Variants in GALNT10 observed in about 807,000 individuals in gnomAD.
The protein encoded by GALNT10 is GalNAc transferase 10.
Under a neutral mutation model 75.0 loss-of-function variants are expected in GALNT10, and 41 were observed. That is an observed-to-expected ratio of 0.55 (90% confidence interval 0.43 to 0.71). The LOEUF is 0.71. GALNT10 is among the 30% of genes least tolerant of loss of function. GALNT10 has a pLI of 0.00. For synonymous variants in GALNT10, 302 were observed against 313.0 expected (o/e 0.96, Z 0.37); for missense variants, 727 against 818.5 (o/e 0.89, Z 1.36).
At chr5:154,408,849 C>G (rs953898501) in intron 8 of GALNT10, among the ~76,000 whole-genome samples, 4 of 152,104 alleles carry the variant, frequency 2.6e-5, no homozygotes, top group Non-Finnish European at 4.4e-5. Context: ...AAAGAATATA[C>G]AGGCTTCTGT....
At chr5:154,261,516 A>AG (rs1446597108) in intron 1 of GALNT10, among the ~76,000 whole-genome samples, 5 of 152,232 alleles carry the variant, frequency 3.3e-5, no homozygotes, top group Non-Finnish European at 5.9e-5. Context: ...GCACCAAACA[A>AG]GGGAAAATGT....
intron 1 of GALNT10, among the ~76,000 whole-genome samples, chr5:154,224,602 T>G (rs1753032569): frequency 6.6e-6 from 1 of 152,222 alleles, no homozygotes; most frequent in Admixed American, 6.5e-5. Flanking sequence ...ATTCATTCAT[T>G]AAGCTAACCA....
chr5:154,213,577 A>C (rs1219585066), intron 1 of GALNT10, among the ~76,000 whole-genome samples: 1 of 152,170 alleles, frequency 6.6e-6, no homozygotes, highest in African/African-American at 2.4e-5. Context: ...TCAGTCATTC[A>C]GGATACAAGT....
At chr5:154,287,801 C>G (rs1284408743) in intron 1 of GALNT10, among the ~76,000 whole-genome samples, 1 of 152,056 alleles carries the variant, frequency 6.6e-6, no homozygotes, top group Non-Finnish European at 1.5e-5. Flanking sequence ...TCTAATTGTC[C>G]AAACTCCCTT....
At chr5:154,218,283 T>C (rs1457634460) in intron 1 of GALNT10, 1 of 246,878 alleles carries the variant, frequency 4.1e-6, no homozygotes, top group Admixed American at 6.5e-5. Context: ...TCTCATTGAA[T>C]TCTCCAGTTC....
chr5:154,294,803 G>T lies in GALNT10; in HGVS notation c.160-13G>T, dbSNP rs978831362. 7.0e-7 allele frequency: 1 copy of T among 1,421,774 alleles called. No individual in the cohort carries two copies. Among genetic ancestry groups the T allele is most frequent in the African/African-American group, 1.4e-5 (1 of 71,240 alleles). The allele number at this position is 1,421,774 out of a possible 1,614,324, so 88.1% of individuals were successfully genotyped here. A position where few individuals can be genotyped will look rare whatever the true frequency, so the allele number is the denominator to read the frequency against. ...CCCTTTTCTATTTTTCATAGTTTTT[G>T]TCTTTTTTTAAGGGCTCACACAGTC... On this transcript the variant is annotated splice_polypyrimidine_tract_variant and intron_variant, in intron 1 of 11. Transcript: ENST00000297107.
intron 1 of GALNT10, among the ~76,000 whole-genome samples, chr5:154,209,005 C>G (rs557988053): frequency 6.6e-6 from 1 of 152,308 alleles, no homozygotes; most frequent in Admixed American, 6.5e-5. Context: ...GGAAATCTGC[C>G]TGCTAGGGTG....
chr5:154,399,559 A>G (rs1756115391), intron 7 of GALNT10, among the ~76,000 whole-genome samples: 1 of 152,196 alleles, frequency 6.6e-6, no homozygotes, highest in Admixed American at 6.5e-5. Flanking sequence ...CTCATGGCTT[A>G]TATTGTTGCT....
At chr5:154,251,289 C>T (rs532174497) in intron 1 of GALNT10, among the ~76,000 whole-genome samples, 2 of 152,014 alleles carry the variant, frequency 1.3e-5, no homozygotes, top group Non-Finnish European at 2.9e-5. Context: ...CGAATGTGTA[C>T]CCATATTAGT....
At chr5:154,350,801 G>T (rs886361675) in intron 4 of GALNT10, among the ~76,000 whole-genome samples, 5 of 152,308 alleles carry the variant, frequency 3.3e-5, no homozygotes, top group African/African-American at 1.2e-4. Flanking sequence ...GAAAAAAGGA[G>T]ACCAAGTAAG....
At chr5:154,204,942 A>G (rs1123430) in intron 1 of GALNT10, among the ~76,000 whole-genome samples, 29,730 of 152,194 alleles carry the variant, frequency 0.2, 3,401 homozygotes, top group African/African-American at 0.32. Context: ...GTGCTGGCAC[A>G]TGGCAGGTGC....
At chr5:154,253,090 C>T (rs1357657664) in intron 1 of GALNT10, among the ~76,000 whole-genome samples, 10 of 146,028 alleles carry the variant, frequency 6.8e-5, no homozygotes, top group African/African-American at 2.3e-4. Flanking sequence ...TTTGTTGCCT[C>T]GTTTCTGAGT....
intron 1 of GALNT10, among the ~76,000 whole-genome samples, chr5:154,251,022 G>T (rs1159971095): frequency 6.6e-6 from 1 of 152,048 alleles, no homozygotes; most frequent in Non-Finnish European, 1.5e-5. Context: ...TCTCCCTCTT[G>T]TCCCTATCTT....
In GALNT10 at chr5:154,219,832, T is replaced by TCACACACACA. The variant is rs775014222; in HGVS notation, c.159+28808_159+28809insACACACACAC. On this transcript the variant is annotated intron_variant, in intron 1 of 11. Coordinates refer to ENST00000297107, the MANE Select transcript of GALNT10 (RefSeq NM_198321.4). ...CTCGCGCTCTCTCTCTCTCTCTCTC[T>TCACACACACA]CTCTCTCACACACACACACACACAC... is the stretch of plus-strand genomic sequence containing the variant. Among the ~76,000 whole-genome samples the TCACACACACA allele has an allele frequency of 5.9e-3, 475 of 80,166 alleles. 3 individuals carry two copies. The highest frequency in any genetic ancestry group is 0.018 in the Admixed American group (93 of 5,094). 52.6% of individuals were successfully genotyped at this position (80,166 alleles called of 152,430 possible).
chr5:154,294,776 T>C, intron 1 of GALNT10, 40 bp from the exon 2 acceptor site: 1 of 1,052,056 alleles, frequency 9.5e-7, no homozygotes, highest in Non-Finnish European at 1.5e-6. Context: ...GTTACTGATT[T>C]GCCCTTTTCT....
intron 1 of GALNT10, among the ~76,000 whole-genome samples, chr5:154,248,929 C>G (rs1035017351): frequency 2.0e-5 from 3 of 152,190 alleles, no homozygotes; most frequent in Non-Finnish European, 4.4e-5. Context: ...ATTTTAGGCT[C>G]CAGGCTCCAG....
chr5:154,269,584 A>C (rs1436758094), intron 1 of GALNT10, among the ~76,000 whole-genome samples: 2 of 152,228 alleles, frequency 1.3e-5, no homozygotes, highest in African/African-American at 4.8e-5. Context: ...TCAGAACCAG[A>C]GCCGGGCCCA....
intron 8 of GALNT10, among the ~76,000 whole-genome samples, chr5:154,404,657 C>T (rs752767040): frequency 2.0e-5 from 3 of 152,150 alleles, no homozygotes; most frequent in Non-Finnish European, 4.4e-5. Flanking sequence ...ACTTAGCATA[C>T]AGCTAAAGTA....
At chr5:154,200,760 T>C (rs991528979) in intron 1 of GALNT10, among the ~76,000 whole-genome samples, 7 of 152,214 alleles carry the variant, frequency 4.6e-5, no homozygotes, top group Non-Finnish European at 1.0e-4. Flanking sequence ...CTTTGACCTT[T>C]ATGTATTTTT....
Sources: gnomAD v4.1 joint callset for allele counts (sites outside exome capture counted in the v4.1 genomes callset) on GRCh38, gnomAD v4.1.1 for gene constraint, MANE v1.5 for transcripts, NCBI Gene and HGNC (gene_info 2026-07-23, HGNC 2026-07-21) for gene names.